The following AKT3 variants were observed in gnomAD, a reference collection of about 807,000 sequenced individuals.
AKT3 encodes the protein AKT serine/threonine kinase 3.
AKT3 carries 15 observed loss-of-function variants against 65.3 expected under a neutral mutation model. That is an observed-to-expected ratio of 0.23 (90% CI 0.15 to 0.35). The LOEUF is 0.35. Among genes scored for constraint, AKT3 ranks in the 10% least tolerant of loss-of-function variants. AKT3 has a pLI of 1.00. For missense variants in AKT3, 243 were observed against 576.5 expected, an observed-to-expected ratio of 0.42 and a Z score of 5.92; for synonymous variants, 206 against 183.8, an observed-to-expected ratio of 1.12 and a Z score of -0.98.
At chr1:243,560,333 A>G (rs1227880926) in intron 10 of AKT3, among the ~76,000 whole-genome samples, 4 of 152,174 alleles carry the variant, frequency 2.6e-5, no homozygotes, top group Non-Finnish European at 1.5e-5. Context: ...TATTCAATAA[A>G]TAATTCTTTG....
intron 2 of AKT3, among the ~76,000 whole-genome samples, chr1:243,713,757 A>T (rs1244756397): frequency 7.2e-6 from 1 of 139,058 alleles, no homozygotes; most frequent in African/African-American, 2.8e-5. Flanking sequence ...AAAAAAAAAA[A>T]AAAAAAAAAA....
At chr1:243,682,888 A>C (rs758344509) in intron 3 of AKT3, among the ~76,000 whole-genome samples, 2 of 152,200 alleles carry the variant, frequency 1.3e-5, no homozygotes, top group African/African-American at 2.4e-5. Context: ...TTCTGTCTTT[A>C]ATGATACCTC....
intron 6 of AKT3, among the ~76,000 whole-genome samples, chr1:243,618,405 T>C (rs1157318957): frequency 6.6e-6 from 1 of 152,120 alleles, no homozygotes; most frequent in Non-Finnish European, 1.5e-5. Context: ...GAAGATAAGG[T>C]ATGCGCAAGC....
At chr1:243,704,298 A>C (rs1685654636) in intron 2 of AKT3, among the ~76,000 whole-genome samples, 1 of 152,164 alleles carries the variant, frequency 6.6e-6, no homozygotes, top group Non-Finnish European at 1.5e-5. Flanking sequence ...AGTACTAAGA[A>C]GGCAGCAATA....
intron 3 of AKT3, among the ~76,000 whole-genome samples, chr1:243,676,054 G>A (rs1001082404): frequency 2.0e-5 from 3 of 152,120 alleles, no homozygotes; most frequent in Non-Finnish European, 2.9e-5. Flanking sequence ...TTTTACTGAG[G>A]GGATGAGTAG....
intron 2 of AKT3, among the ~76,000 whole-genome samples, chr1:243,830,795 T>G (rs1320199275): frequency 6.6e-6 from 1 of 152,200 alleles, no homozygotes; most frequent in Non-Finnish European, 1.5e-5. Flanking sequence ...AACTACAATA[T>G]TCCCAATCTT....
At chr1:243,593,131 A>G (rs1676350469) in intron 8 of AKT3, among the ~76,000 whole-genome samples, 1 of 152,230 alleles carries the variant, frequency 6.6e-6, no homozygotes, top group African/African-American at 2.4e-5. Flanking sequence ...AATTTTATAG[A>G]AACACTCCCA....
chr1:243,756,467 G>T (rs960646322), intron 2 of AKT3, among the ~76,000 whole-genome samples: 1 of 152,114 alleles, frequency 6.6e-6, no homozygotes, highest in Admixed American at 6.6e-5. Flanking sequence ...AGGGAATCCC[G>T]CTGGCCACAT....
intron 2 of AKT3, among the ~76,000 whole-genome samples, chr1:243,817,528 G>C (rs1054478062): frequency 2.0e-5 from 3 of 152,064 alleles, no homozygotes; most frequent in Non-Finnish European, 2.9e-5. Flanking sequence ...ATCACTTGAG[G>C]TCAGGAGTTT....
intron 2 of AKT3, among the ~76,000 whole-genome samples, chr1:243,805,848 C>G (rs1274505458): frequency 6.6e-6 from 1 of 152,158 alleles, no homozygotes; most frequent in Admixed American, 6.5e-5. Context: ...TTTCCATATG[C>G]TTTCTCTGAA....
At chr1:243,627,971 TCA>T (rs1439615915) in intron 6 of AKT3, among the ~76,000 whole-genome samples, 2 of 152,162 alleles carry the variant, frequency 1.3e-5, no homozygotes, top group African/African-American at 2.4e-5. Context: ...CGATATACAC[TCA>T]GATATGATTT....
intron 12 of AKT3, among the ~76,000 whole-genome samples, chr1:243,522,554 G>A (rs1670785306): frequency 6.6e-6 from 1 of 152,142 alleles, no homozygotes; most frequent in South Asian, 2.1e-4. Flanking sequence ...AGCTACTTGA[G>A]AGGCTGAGGT....
At chr1:243,695,215 G>A in intron 3 of AKT3, among the ~76,000 whole-genome samples, 1 of 151,850 alleles carries the variant, frequency 6.6e-6, no homozygotes, top group East Asian at 1.9e-4. Flanking sequence ...AATCAAAAGA[G>A]CTAAGATTAT....
chr1:243,710,479 T>C (rs1316615163), intron 2 of AKT3, among the ~76,000 whole-genome samples: 1 of 152,178 alleles, frequency 6.6e-6, no homozygotes, highest in Admixed American at 6.5e-5. Context: ...GTAACCAATT[T>C]ATTCTTTTAA....
chr1:243,656,103 C>CG (rs530798332), intron 4 of AKT3, among the ~76,000 whole-genome samples: 30 of 17,206 alleles, frequency 1.7e-3, no homozygotes, highest in African/African-American at 5.6e-3. Context: ...GAGGGTGTGG[C>CG]GGGGGGGTGT....
At chr1:243,845,099 A>C (rs556868932) in intron 1 of AKT3, among the ~76,000 whole-genome samples, 1 of 152,304 alleles carries the variant, frequency 6.6e-6, no homozygotes, top group African/African-American at 2.4e-5. Context: ...CCTAGCGCTA[A>C]ATTAGACTAC....
chr1:243,762,959 A>T (rs796294012), intron 2 of AKT3, among the ~76,000 whole-genome samples: 8 of 152,192 alleles, frequency 5.3e-5, no homozygotes, highest in African/African-American at 1.9e-4. Flanking sequence ...TCAACTATGA[A>T]ATCAAATATC....
intron 6 of AKT3, among the ~76,000 whole-genome samples, chr1:243,636,365 C>CTGTAGATA (rs1266165710): frequency 2.6e-5 from 4 of 151,864 alleles, no homozygotes; most frequent in African/African-American, 9.7e-5. Flanking sequence ...CTATTAGCCC[C>CTGTAGATA]ACTCTGTAGA....
intron 2 of AKT3, among the ~76,000 whole-genome samples, chr1:243,785,635 A>T (rs1691213991): frequency 6.6e-6 from 1 of 152,202 alleles, no homozygotes; most frequent in Admixed American, 6.5e-5. Context: ...TTTCTCGTCC[A>T]TTACCCACAG....
Sources: gnomAD v4.1 joint callset for allele counts (sites outside exome capture counted in the v4.1 genomes callset) on GRCh38, gnomAD v4.1.1 for gene constraint, MANE v1.5 for transcripts, NCBI Gene and HGNC (gene_info 2026-07-23, HGNC 2026-07-21) for gene names.